The following THRB variants were observed in gnomAD, a reference collection of about 807,000 sequenced individuals.
THRB encodes thyroid hormone receptor beta.
In THRB, 12 loss-of-function variants were observed where a neutral mutation model predicts 47.8. The ratio of observed to expected loss-of-function variants is 0.25; its 90% CI spans 0.16 to 0.41. THRB has a LOEUF of 0.41. Among genes scored for constraint, THRB ranks in the 10% least tolerant of loss-of-function variants. The pLI is 1.00. For synonymous variants in THRB, 218 were observed against 212.2 expected, an observed-to-expected ratio of 1.03 and a Z score of -0.24; for missense variants, 348 against 589.2, an observed-to-expected ratio of 0.59 and a Z score of 4.24.
rs564306807 is a variant in THRB at position 24,282,081 on chromosome 3, A to G, written c.-43+15145T>C. ...AATTGAACTCAGCTTTGCACCAAGC[A>G]GACCTAATAGACATCTACAGAACTC... On this transcript the variant is annotated intron_variant, in intron 3 of 10. Transcript: ENST00000646209. Among the ~76,000 whole-genome samples the G allele has an allele frequency of 2.8e-3, 360 of 128,728 alleles. 9 individuals are homozygous for G. The highest frequency in any genetic ancestry group is 0.024 in the East Asian group (107 of 4,374). 84.5% of individuals were successfully genotyped at this position (128,728 alleles called of 152,430 possible). A position where few individuals can be genotyped will look rare whatever the true frequency, so the allele number is the denominator to read the frequency against.
intron 2 of THRB, among the ~76,000 whole-genome samples, chr3:24,333,596 T>C (rs150563748): frequency 9.3e-4 from 142 of 152,362 alleles, no homozygotes; most frequent in African/African-American, 3.3e-3. Flanking sequence ...TCTTGCTAAA[T>C]TAAATTTGGT....
chr3:24,138,261 A>G (rs1054799739), intron 8 of THRB, among the ~76,000 whole-genome samples: 1 of 152,116 alleles, frequency 6.6e-6, no homozygotes, highest in Non-Finnish European at 1.5e-5. Context: ...TCACTTGTTC[A>G]TAGGATGTCT....
intron 1 of THRB, among the ~76,000 whole-genome samples, chr3:24,464,798 T>C (rs2074001847): frequency 6.6e-6 from 1 of 152,164 alleles, no homozygotes. Context: ...ATTTCTAAAT[T>C]TGTAAACCAA....
chr3:24,375,107 C>A (rs1393444680), intron 1 of THRB, among the ~76,000 whole-genome samples: 1 of 151,092 alleles, frequency 6.6e-6, no homozygotes, highest in African/African-American at 2.4e-5. Context: ...TATAAAAGCT[C>A]AGGTTTTATG....
intron 1 of THRB, among the ~76,000 whole-genome samples, chr3:24,431,846 A>G (rs2070456264): frequency 6.6e-6 from 1 of 152,132 alleles, no homozygotes; most frequent in Non-Finnish European, 1.5e-5. Flanking sequence ...CTGGATGAAT[A>G]CATCTTAGAA....
intron 4 of THRB, among the ~76,000 whole-genome samples, chr3:24,206,106 A>C (rs2045315750): frequency 6.6e-6 from 1 of 152,228 alleles, no homozygotes; most frequent in African/African-American, 2.4e-5. Flanking sequence ...ACAGAAAGTT[A>C]ACAAGGATAT....
At chr3:24,459,952 A>G (rs1005321275) in intron 1 of THRB, among the ~76,000 whole-genome samples, 15 of 152,206 alleles carry the variant, frequency 9.9e-5, no homozygotes, top group Non-Finnish European at 2.2e-4. Context: ...ATATATTCAC[A>G]AGACATTTTG....
chr3:24,417,629 G>C (rs2068871933), intron 1 of THRB, among the ~76,000 whole-genome samples: 1 of 151,748 alleles, frequency 6.6e-6, no homozygotes, highest in African/African-American at 2.4e-5. Flanking sequence ...ACTGAGCCTT[G>C]GTGAACTTCG....
chr3:24,205,520 C>A (rs1168295211), intron 4 of THRB, among the ~76,000 whole-genome samples: 5 of 152,192 alleles, frequency 3.3e-5, no homozygotes, highest in Non-Finnish European at 7.3e-5. Context: ...TGGAAAGGAA[C>A]AACCAGTAGC....
At chr3:24,249,413 C>A (rs1447288875) in intron 3 of THRB, among the ~76,000 whole-genome samples, 1 of 152,096 alleles carries the variant, frequency 6.6e-6, no homozygotes, top group African/African-American at 2.4e-5. Context: ...TTTAAACCAA[C>A]CCTTGTTCTC....
At chr3:24,426,559 C>T (rs374365519) in intron 1 of THRB, among the ~76,000 whole-genome samples, 1 of 150,980 alleles carries the variant, frequency 6.6e-6, no homozygotes, top group Admixed American at 6.6e-5. Context: ...CTTCAGCAGA[C>T]AAGCCATAAA....
chr3:24,162,851 C>T (rs1458877805), intron 5 of THRB, among the ~76,000 whole-genome samples: 1 of 151,106 alleles, frequency 6.6e-6, no homozygotes, highest in Non-Finnish European at 1.5e-5. Flanking sequence ...TTTTTTTTTA[C>T]AAGATTCTCT....
intron 1 of THRB, among the ~76,000 whole-genome samples, chr3:24,434,038 C>A (rs1375416151): frequency 6.6e-6 from 1 of 152,082 alleles, no homozygotes; most frequent in Non-Finnish European, 1.5e-5. Flanking sequence ...TTGTTCCTCT[C>A]TGATGGTTTA....
At chr3:24,232,363 G>A (rs4858594) in intron 3 of THRB, among the ~76,000 whole-genome samples, 89,543 of 152,094 alleles carry the variant, frequency 0.59, 26,919 homozygotes, top group African/African-American at 0.69. Flanking sequence ...AATTGCACCA[G>A]ATAAATGCAA....
chr3:24,314,218 C>G (rs566775828), intron 2 of THRB, among the ~76,000 whole-genome samples: 3 of 152,292 alleles, frequency 2.0e-5, no homozygotes, highest in South Asian at 4.1e-4. Context: ...AGGTCTGCAT[C>G]CAAATCCAGG....
intron 1 of THRB, among the ~76,000 whole-genome samples, chr3:24,457,167 C>T (rs547114994): frequency 6.6e-6 from 1 of 152,084 alleles, no homozygotes; most frequent in Non-Finnish European, 1.5e-5. Context: ...CTTCTTAAAA[C>T]AAGACAATAT....
chr3:24,138,227 G>A (rs1248259368), intron 8 of THRB, among the ~76,000 whole-genome samples: 2 of 152,054 alleles, frequency 1.3e-5, no homozygotes, highest in Admixed American at 6.6e-5. Context: ...GAATGGAGTG[G>A]GGCCAGATGG....
At chr3:24,388,473 C>A (rs2066307449) in intron 1 of THRB, among the ~76,000 whole-genome samples, 1 of 152,158 alleles carries the variant, frequency 6.6e-6, no homozygotes, top group Admixed American at 6.6e-5. Context: ...TAAGACAGCA[C>A]ACATCATAAC....
intron 4 of THRB, among the ~76,000 whole-genome samples, chr3:24,202,951 TC>T (rs2044771178): frequency 2.0e-5 from 3 of 152,206 alleles, no homozygotes; most frequent in Admixed American, 2.0e-4. Context: ...CTTGGAATCT[TC>T]CTCAGGATGG....
Sources: allele counts gnomAD v4.1 joint callset (sites outside exome capture counted in the v4.1 genomes callset), GRCh38; gene constraint gnomAD v4.1.1; transcripts MANE v1.5; gene names NCBI Gene and HGNC (gene_info 2026-07-23, HGNC 2026-07-21).